TBCK: variants seen among roughly 807,000 people sequenced by gnomAD.
TBCK encodes TBC1 domain containing kinase.
TBCK carries 99 observed loss-of-function variants against 113.4 expected under a neutral mutation model. The observed-to-expected ratio is 0.87, with a 90% CI of 0.74 to 1.03. The LOEUF (loss-of-function observed/expected upper bound fraction) is 1.03. Among genes scored for constraint, TBCK ranks in the 50% least tolerant of loss-of-function variants. The pLI, the probability that TBCK is intolerant of heterozygous loss-of-function variation, is 0.00. For missense variants in TBCK, 1,045 were observed against 1,061.3 expected (o/e 0.98, Z 0.21); for synonymous variants, 369 against 370.8 (o/e 1.00, Z 0.05).
intron 25 of TBCK, among the ~76,000 whole-genome samples, chr4:106,054,637 G>A (rs1453422620): frequency 6.6e-6 from 1 of 151,662 alleles, no homozygotes; most frequent in Non-Finnish European, 1.5e-5. Context: ...TTTCTCCAAT[G>A]CCTAGAACAG....
chr4:106,260,902 T>A lies in TBCK; in HGVS notation c.382-392A>T, dbSNP rs1336914818. 7.9e-5 allele frequency among the ~76,000 whole-genome samples: 12 copies of A among 152,058 alleles called. No homozygotes were observed. In the South Asian group the frequency reaches 2.5e-3, roughly 32 times the overall value. On this transcript the variant is annotated intron_variant, in intron 4 of 25. Transcript: ENST00000394708. ...ACAGAGCAAATTTTTTTCCATGGAGTTGAAAGTCCATTTATAGTTATAATT... is the reference window on the plus strand; with the variant it reads ...ACAGAGCAAATTTTTTTCCATGGAGATGAAAGTCCATTTATAGTTATAATT...
At chr4:106,179,209 G>C (rs930470936) in intron 22 of TBCK, among the ~76,000 whole-genome samples, 11 of 151,840 alleles carry the variant, frequency 7.2e-5, no homozygotes, top group Admixed American at 2.6e-4. Context: ...TCCTTTTGTT[G>C]ATCTTTTGTA....
chr4:106,248,881 T>A lies in TBCK; in HGVS notation c.720+40A>T, dbSNP rs201400796. On this transcript the variant is annotated intron_variant, in intron 8 of 25. Transcript: ENST00000394708. Reference sequence around the variant, plus strand: ...TTACCCAATATCAGGTATTTTGTTATAGCAGCACAAATGGACTAAGACCCA... The same window carrying A: ...TTACCCAATATCAGGTATTTTGTTAAAGCAGCACAAATGGACTAAGACCCA... 6.7e-6 allele frequency: 10 copies of A among 1,502,872 alleles called. No homozygotes were observed. In the African/African-American group the frequency reaches 1.4e-4, roughly 21 times the overall value. 93.1% of individuals were successfully genotyped at this position (1,502,872 alleles called of 1,614,324 possible). A position where few individuals can be genotyped will look rare whatever the true frequency, so the allele number is the denominator to read the frequency against.
chr4:106,214,450 G>C (rs535452362), intron 19 of TBCK, among the ~76,000 whole-genome samples: 4 of 151,336 alleles, frequency 2.6e-5, no homozygotes, highest in East Asian at 3.9e-4. Context: ...CAAAGGCAAA[G>C]AAGTTGAAAA....
intron 7 of TBCK, 120 bp downstream of exon 7, chr4:106,250,298 G>GA: frequency 1.6e-6 from 1 of 622,570 alleles, no homozygotes; most frequent in Non-Finnish European, 2.8e-6. Flanking sequence ...TTAGCAACTT[G>GA]AGTAAAGGGA....
intron 3 of TBCK, among the ~76,000 whole-genome samples, chr4:106,265,043 T>A (rs4569824): frequency 0.6 from 90,887 of 151,648 alleles, 27,526 homozygotes; most frequent in Non-Finnish European, 0.64. Context: ...GTTATAATAT[T>A]TCAGCCCAAT....
At chr4:106,102,169 T>C (rs1170714179) in intron 24 of TBCK, among the ~76,000 whole-genome samples, 4 of 152,232 alleles carry the variant, frequency 2.6e-5, no homozygotes, top group Admixed American at 2.6e-4. Flanking sequence ...TTTCTTCTTA[T>C]TCTAAAGTTT....
At chr4:106,282,811 G>T (rs1288018697) in intron 3 of TBCK, among the ~76,000 whole-genome samples, 3 of 152,198 alleles carry the variant, frequency 2.0e-5, no homozygotes, top group African/African-American at 7.2e-5. Context: ...TCTTCACAGG[G>T]CAGCAGGAGA....
intron 25 of TBCK, among the ~76,000 whole-genome samples, chr4:106,056,886 T>C (rs143361063): frequency 2.4e-4 from 37 of 151,930 alleles, no homozygotes; most frequent in Admixed American, 4.6e-4. Flanking sequence ...AATAGTTAAG[T>C]CTAACATCCC....
chr4:106,181,390 A>G (rs1560775205), intron 22 of TBCK, among the ~76,000 whole-genome samples: 1 of 152,122 alleles, frequency 6.6e-6, no homozygotes, highest in Non-Finnish European at 1.5e-5. Context: ...CCATTTGTCA[A>G]TTTTGGCTTT....
Position 106,238,712 on chromosome 4 carries a change from G to A in TBCK, c.1171-1904C>T, listed in dbSNP as rs543738182. 5 of 152,236 alleles carry A rather than the reference G, an allele frequency of 3.3e-5. No homozygotes were observed. In the South Asian group the frequency reaches 8.3e-4, roughly 25 times the overall value. 9.4% of individuals were successfully genotyped at this position (152,236 alleles called of 1,614,324 possible). On this transcript the variant is annotated intron_variant, in intron 12 of 25. Coordinates refer to ENST00000394708, the MANE Select transcript of TBCK (RefSeq NM_001163435.3). ...TTCTTCCTCTAACAAGAAAAATGCT[G>A]AACAAACTGAAAATCAAGAACTCGT...
intron 1 of TBCK, among the ~76,000 whole-genome samples, chr4:106,313,863 T>C (rs1455489381): frequency 2.0e-5 from 3 of 152,222 alleles, no homozygotes; most frequent in Non-Finnish European, 4.4e-5. Flanking sequence ...AAAAACTATG[T>C]ATTACATACT....
At chr4:106,233,456 T>C in intron 16 of TBCK, 132 bp downstream of exon 16, 1 of 700,620 alleles carries the variant, frequency 1.4e-6, no homozygotes, top group South Asian at 1.8e-5. Flanking sequence ...AGAGTTATGG[T>C]TTCTCTAACA....
At chr4:106,176,394 C>T (rs933355430) in intron 22 of TBCK, among the ~76,000 whole-genome samples, 5 of 151,952 alleles carry the variant, frequency 3.3e-5, no homozygotes, top group African/African-American at 7.2e-5. Context: ...ATTTAGTTTC[C>T]CAAGTATGAG....
At position 106,306,360 on chromosome 4, in the gene TBCK, T is replaced by C. The variant is rs908711322; in HGVS notation, c.193+2408A>G. On this transcript the variant is annotated intron_variant, in intron 2 of 25. Transcript: ENST00000394708. ...TCAGCATGCCAAAGTGCTAGGATTA[T>C]AGGCATGGGCCACCATGCTTGGCCT... Among the ~76,000 whole-genome samples the C allele has an allele frequency of 5.3e-5, 8 of 151,318 alleles. No individual in the cohort carries two copies. In the East Asian group the frequency reaches 1.6e-3, roughly 29 times the overall value.
chr4:106,240,410 T>C (rs989603918), intron 12 of TBCK, among the ~76,000 whole-genome samples: 4 of 151,874 alleles, frequency 2.6e-5, no homozygotes, highest in African/African-American at 9.7e-5. Flanking sequence ...AACCCTACCT[T>C]AATTCACAAA....
intron 3 of TBCK, among the ~76,000 whole-genome samples, chr4:106,271,007 T>C (rs1763418466): frequency 6.6e-6 from 1 of 152,164 alleles, no homozygotes; most frequent in African/African-American, 2.4e-5. Context: ...GATTCATAAA[T>C]AGGAAGGCAG....
chr4:106,056,774 AG>A (rs60072524), intron 25 of TBCK, among the ~76,000 whole-genome samples: 6,246 of 151,772 alleles, frequency 0.041, 432 homozygotes, highest in African/African-American at 0.14. Context: ...CCTTAAGCAA[AG>A]TAAGTCAAGA....
At chr4:106,084,517 G>C (rs1286650237) in intron 25 of TBCK, among the ~76,000 whole-genome samples, 3 of 152,172 alleles carry the variant, frequency 2.0e-5, no homozygotes, top group Non-Finnish European at 4.4e-5. Flanking sequence ...ACACACTTCA[G>C]GATATTAGCC....
Sources: allele counts gnomAD v4.1 joint callset (sites outside exome capture counted in the v4.1 genomes callset), GRCh38; gene constraint gnomAD v4.1.1; transcripts MANE v1.5; gene names NCBI Gene and HGNC (gene_info 2026-07-23, HGNC 2026-07-21).